The following UNC5C variants were observed in gnomAD, a reference collection of about 807,000 sequenced individuals.
UNC5C encodes the protein netrin receptor UNC5C.
Under a neutral mutation model 99.8 loss-of-function variants are expected in UNC5C, and 47 were observed. That is an observed-to-expected ratio of 0.47 (90% CI 0.37 to 0.60). The LOEUF (loss-of-function observed/expected upper bound fraction) is 0.60. UNC5C is among the 20% of genes least tolerant of loss of function. The pLI, the probability that UNC5C is intolerant of heterozygous loss-of-function variation, is 0.00. For synonymous variants in UNC5C, 487 were observed against 452.2 expected, an observed-to-expected ratio of 1.08 and a Z score of -0.98; for missense variants, 1,062 against 1,165.9, an observed-to-expected ratio of 0.91 and a Z score of 1.30.
chr4:95,176,687 G>C lies in UNC5C; in HGVS notation c.2451+6210C>G, dbSNP rs917358172. 3.5e-4 allele frequency among the ~76,000 whole-genome samples: 53 copies of C among 152,238 alleles called. 1 individual carries two copies. Among genetic ancestry groups the C allele is most frequent in the African/African-American group, 1.3e-3 (53 of 41,456 alleles). On this transcript the variant is annotated intron_variant, in intron 14 of 15. Coordinates refer to ENST00000453304, the MANE Select transcript of UNC5C (RefSeq NM_003728.4). Reference sequence around the variant, plus strand: ...ATTTAAGTCTGCAGAGGTTACTGCTGTCTTTTTGTTTGTCTGTGCCCTGCC... The same window carrying C: ...ATTTAAGTCTGCAGAGGTTACTGCTCTCTTTTTGTTTGTCTGTGCCCTGCC...
At chr4:95,247,260 T>C (rs1739536862) in intron 5 of UNC5C, among the ~76,000 whole-genome samples, 1 of 151,974 alleles carries the variant, frequency 6.6e-6, no homozygotes, top group Non-Finnish European at 1.5e-5. Flanking sequence ...TGGTTAGATA[T>C]ATATGTTTTC....
At chr4:95,177,748 C>G (rs1253675333) in intron 14 of UNC5C, among the ~76,000 whole-genome samples, 1 of 152,130 alleles carries the variant, frequency 6.6e-6, no homozygotes, top group East Asian at 1.9e-4. Context: ...GTCACCCAGG[C>G]TGGAGTGCCA....
chr4:95,350,693 T>C (rs1743956295), intron 1 of UNC5C, among the ~76,000 whole-genome samples: 1 of 152,176 alleles, frequency 6.6e-6, no homozygotes, highest in Non-Finnish European at 1.5e-5. Context: ...GAATGATTTA[T>C]AATATAGAAT....
chr4:95,395,479 T>A (rs1745484511), intron 1 of UNC5C, among the ~76,000 whole-genome samples: 1 of 152,146 alleles, frequency 6.6e-6, no homozygotes, highest in Admixed American at 6.5e-5. Flanking sequence ...ATCTATAGAG[T>A]TCTCTTAGTG....
chr4:95,196,694 TC>T (rs1412889258), intron 12 of UNC5C, among the ~76,000 whole-genome samples: 1 of 142,082 alleles, frequency 7.0e-6, no homozygotes, highest in East Asian at 2.0e-4. Context: ...GAGTGTGTTA[TC>T]CATCCATATG....
At chr4:95,303,537 A>G (rs1462254812) in intron 2 of UNC5C, among the ~76,000 whole-genome samples, 4 of 152,162 alleles carry the variant, frequency 2.6e-5, no homozygotes, top group Non-Finnish European at 5.9e-5. Context: ...TTAGCTGGGC[A>G]TGGTGGCGCA....
At chr4:95,338,328 C>G (rs1221385684) in intron 1 of UNC5C, among the ~76,000 whole-genome samples, 1 of 152,002 alleles carries the variant, frequency 6.6e-6, no homozygotes, top group African/African-American at 2.4e-5. Context: ...AAACTGTATC[C>G]TAACTTTTTT....
intron 1 of UNC5C, among the ~76,000 whole-genome samples, chr4:95,453,040 C>T (rs531182573): frequency 2.2e-4 from 34 of 152,118 alleles, no homozygotes; most frequent in East Asian, 5.8e-4. Flanking sequence ...TCAGATTTTA[C>T]GGAAAATATA....
At chr4:95,204,988 C>T (rs1323314239) in intron 11 of UNC5C, among the ~76,000 whole-genome samples, 2 of 103,176 alleles carry the variant, frequency 1.9e-5, no homozygotes, top group Non-Finnish European at 4.1e-5. Flanking sequence ...TCAGAACCTC[C>T]AGGTTTATTC....
intron 1 of UNC5C, among the ~76,000 whole-genome samples, chr4:95,459,461 T>C (rs539869183): frequency 6.6e-6 from 1 of 152,278 alleles, no homozygotes; most frequent in South Asian, 2.1e-4. Context: ...AGACCTGCCA[T>C]TGTCTATTTT....
chr4:95,462,773 C>T (rs963937217), intron 1 of UNC5C, among the ~76,000 whole-genome samples: 13 of 152,062 alleles, frequency 8.5e-5, no homozygotes, highest in African/African-American at 2.9e-4. Flanking sequence ...ACAAATGGCC[C>T]TATTCTTGTT....
intron 5 of UNC5C, 76 bp downstream of exon 5, chr4:95,250,411 G>T (rs931809193): frequency 3.4e-6 from 5 of 1,452,280 alleles, no homozygotes; most frequent in South Asian, 1.3e-5. Flanking sequence ...TAAAAAAAGG[G>T]CTTCTAGCTT....
intron 1 of UNC5C, among the ~76,000 whole-genome samples, chr4:95,482,735 C>T (rs1721199780): frequency 8.2e-6 from 1 of 122,560 alleles, no homozygotes; most frequent in South Asian, 2.6e-4. Flanking sequence ...TGGAAATCAT[C>T]ATTCTCAGTA....
chr4:95,433,535 T>G (rs1746689900), intron 1 of UNC5C, among the ~76,000 whole-genome samples: 2 of 152,116 alleles, frequency 1.3e-5, no homozygotes, highest in Non-Finnish European at 2.9e-5. Context: ...CTTTACTAGT[T>G]TCATCATACT....
At chr4:95,467,332 A>C (rs1375783060) in intron 1 of UNC5C, among the ~76,000 whole-genome samples, 1 of 152,192 alleles carries the variant, frequency 6.6e-6, no homozygotes, top group Non-Finnish European at 1.5e-5. Flanking sequence ...TAGAGAAGGA[A>C]TAGAACAACA....
intron 5 of UNC5C, among the ~76,000 whole-genome samples, chr4:95,247,688 C>T (rs1560751869): frequency 6.6e-6 from 1 of 152,180 alleles, no homozygotes; most frequent in African/African-American, 2.4e-5. Flanking sequence ...CAGTCCAAAG[C>T]TATTTCCTTA....
chr4:95,230,434 C>T (rs907887380), intron 7 of UNC5C, among the ~76,000 whole-genome samples: 1 of 152,094 alleles, frequency 6.6e-6, no homozygotes. Context: ...TGTGCAGAAG[C>T]TCTTTAGTTT....
intron 3 of UNC5C, among the ~76,000 whole-genome samples, chr4:95,290,624 G>A (rs1030460786): frequency 1.9e-4 from 29 of 152,064 alleles, no homozygotes; most frequent in Non-Finnish European, 2.8e-4. Context: ...ATAGGATGTC[G>A]TATGAAGATT....
At chr4:95,229,733 C>T (rs1328376862) in intron 7 of UNC5C, among the ~76,000 whole-genome samples, 14 of 150,362 alleles carry the variant, frequency 9.3e-5, no homozygotes, top group Non-Finnish European at 1.2e-4. Flanking sequence ...AACTAATTTA[C>T]ACTCCCACCA....
Sources: gnomAD v4.1 joint callset for allele counts (sites outside exome capture counted in the v4.1 genomes callset) on GRCh38, gnomAD v4.1.1 for gene constraint, MANE v1.5 for transcripts, NCBI Gene and HGNC (gene_info 2026-07-23, HGNC 2026-07-21) for gene names.